Variants in XRCC1 observed in about 807,000 individuals in gnomAD.
XRCC1 encodes the protein X-ray repair cross complementing 1.
Under a neutral mutation model 83.3 loss-of-function variants are expected in XRCC1, and 52 were observed. The ratio of observed to expected loss-of-function variants is 0.62; its 90% confidence interval spans 0.50 to 0.79. The LOEUF (loss-of-function observed/expected upper bound fraction) is 0.79, where lower values mean the gene tolerates loss of function less well. XRCC1 is among the 30% of genes least tolerant of loss of function. XRCC1 has a pLI of 0.00. For synonymous variants in XRCC1, 281 were observed against 312.6 expected (o/e 0.90, Z 1.07); for missense variants, 793 against 823.5 (o/e 0.96, Z 0.45).
chr19:43,549,836 T>C (rs1365995194), intron 10 of XRCC1, among the ~76,000 whole-genome samples: 1 of 152,202 alleles, frequency 6.6e-6, no homozygotes, highest in Non-Finnish European at 1.5e-5. Context: ...TATAAAATGC[T>C]TTGTGAATTC....
In XRCC1 at chr19:43,574,963, G is replaced by A; in HGVS notation, c.91C>T (p.Arg31Ter). The A allele has an allele frequency of 6.2e-7, 1 of 1,614,134 alleles. No homozygotes were observed. The highest frequency in any genetic ancestry group is 8.5e-7 in the Non-Finnish European group (1 of 1,180,028). The change falls in exon 2 of 17, where the codon CGA (arginine) becomes TGA (stop). Residue 31 changes from arginine to a stop codon, truncating the protein, a stop_gained. Transcript: ENST00000262887. LOFTEE classifies it high-confidence loss of function. ...AENLLKADTY[R>*]KWRAAKAGEK... ...CCTGCCTTGGCTGCCCGCCATTTTC[G>A]GTAAGTGTCTGCCTTGAGAAGATTT...
chr19:43,563,554 G>T (rs1351522903), intron 2 of XRCC1, among the ~76,000 whole-genome samples: 1 of 152,026 alleles, frequency 6.6e-6, no homozygotes, highest in Admixed American at 6.6e-5. Context: ...TGCTCCCCAG[G>T]CCAGGCTTGG....
chr19:43,563,026 G>A (rs953699777), intron 2 of XRCC1, among the ~76,000 whole-genome samples: 3 of 152,224 alleles, frequency 2.0e-5, no homozygotes, highest in African/African-American at 7.2e-5. Flanking sequence ...AACAGTCCAC[G>A]CGTGCTCCTC....
At chr19:43,546,168 C>G in intron 12 of XRCC1, 62 bp from the exon 13 acceptor site, 1 of 1,585,376 alleles carries the variant, frequency 6.3e-7, no homozygotes, top group South Asian at 1.1e-5. Flanking sequence ...TGGCAGCTCT[C>G]CCAGTATGGC....
intron 2 of XRCC1, 137 bp from the exon 3 acceptor site, chr19:43,561,157 G>GT (rs1972695393): frequency 1.4e-6 from 1 of 709,158 alleles, no homozygotes; most frequent in African/African-American, 1.7e-5. Flanking sequence ...GGGTTGAATG[G>GT]TGCCATGTGT....
At chr19:43,551,974 G>C (rs763428788) in intron 9 of XRCC1, 43 bp downstream of exon 9, 4 of 1,602,332 alleles carry the variant, frequency 2.5e-6, no homozygotes, top group African/African-American at 1.3e-5. Context: ...CAGGGAGCTG[G>C]GGGAGAAACT....
rs140908193 is a variant in XRCC1 at position 43,551,676 on chromosome 19, G to A, written c.1094C>T (p.Ala365Val). Residue 365 changes from alanine to valine, a missense_variant, in exon 10 of 17, where the codon GCC becomes GTC. Ala to Val is a moderately conservative substitution (Grantham distance 64). Transcript: ENST00000262887. ...RDSTHLICAF[A>V]NTPKYSQVLG... Reference sequence around the variant, plus strand: ...GACCTGGCTGTACTTGGGGGTGTTGGCAAAGGCACAGCTGGTGGGGGGCAG... The same window carrying A: ...GACCTGGCTGTACTTGGGGGTGTTGACAAAGGCACAGCTGGTGGGGGGCAG... 158 of 1,614,012 alleles carry A rather than the reference G, an allele frequency of 9.8e-5. No homozygotes were observed. The highest frequency in any genetic ancestry group is 3.8e-4 in the Admixed American group (23 of 59,998).
chr19:43,567,861 G>T (rs3213285), intron 2 of XRCC1, among the ~76,000 whole-genome samples: 24,193 of 145,318 alleles, frequency 0.17, 2,046 homozygotes, highest in Non-Finnish European at 0.19. Flanking sequence ...TCACATCCAT[G>T]AAATGCAATC....
chr19:43,558,143 GTTTTCTT>G (rs932420157), intron 3 of XRCC1, among the ~76,000 whole-genome samples: 10 of 152,286 alleles, frequency 6.6e-5, no homozygotes, highest in East Asian at 5.8e-4. Flanking sequence ...AAAAAAGATA[GTTTTCTT>G]TTTTCTTTTT....
chr19:43,557,401 G>A lies in XRCC1; in HGVS notation c.256-2597C>T, dbSNP rs972451712. ...TAGTCTCTTTTCTAACTGACATGCT[G>A]TGAAATTATAAAATTGGACAATAAA... On this transcript the variant is annotated intron_variant, in intron 3 of 16. Transcript: ENST00000262887. Among the ~76,000 whole-genome samples the A allele has an allele frequency of 6.6e-5, 10 of 151,604 alleles. No homozygotes were observed. In the East Asian group the frequency reaches 1.7e-3, roughly 26 times the overall value.
intron 2 of XRCC1, among the ~76,000 whole-genome samples, chr19:43,571,944 G>A (rs1162023597): frequency 6.6e-6 from 1 of 152,154 alleles, no homozygotes; most frequent in Admixed American, 6.5e-5. Context: ...TCTCTGCACT[G>A]ACAACTTCCC....
At chr19:43,546,544 C>T (rs1466777463) in intron 12 of XRCC1, 51 bp downstream of exon 12, 1 of 1,573,284 alleles carries the variant, frequency 6.4e-7, no homozygotes, top group African/African-American at 1.4e-5. Flanking sequence ...AGGCCCTCCT[C>T]CCTCAGACTC....
intron 13 of XRCC1, 31 bp downstream of exon 13, chr19:43,546,021 G>C (rs748162914): frequency 5.0e-6 from 8 of 1,613,700 alleles, no homozygotes; most frequent in Non-Finnish European, 6.8e-6. Flanking sequence ...CCCAAGGCCA[G>C]GGACACCCCA....
intron 10 of XRCC1, among the ~76,000 whole-genome samples, chr19:43,548,599 C>T (rs1972542302): frequency 6.6e-6 from 1 of 152,132 alleles, no homozygotes; most frequent in Admixed American, 6.5e-5. Context: ...GTCATCACCA[C>T]TCCCTAATCT....
chr19:43,568,158 C>G (rs1377705424), intron 2 of XRCC1, among the ~76,000 whole-genome samples: 1 of 151,766 alleles, frequency 6.6e-6, no homozygotes, highest in African/African-American at 2.4e-5. Context: ...CAGGCGTGAG[C>G]CACCGCGCCC....
chr19:43,558,301 C>T lies in XRCC1; in HGVS notation c.255+2609G>A, dbSNP rs183873884. 8.0e-5 allele frequency among the ~76,000 whole-genome samples: 12 copies of T among 150,424 alleles called. No individual in the cohort carries two copies. The East Asian group carries it at 1.8e-3, about 22-fold the overall frequency. On this transcript the variant is annotated intron_variant, in intron 3 of 16. Transcript: ENST00000262887. ...AGTGAGCTGAGATCGTGCCACTGCA[C>T]TCCAGCCTGGGTGACAAAGTGAGAC... is the stretch of plus-strand genomic sequence containing the variant.
chr19:43,546,776 T>C, intron 11 of XRCC1, 49 bp from the exon 12 acceptor site: 1 of 1,594,312 alleles, frequency 6.3e-7, no homozygotes, highest in Non-Finnish European at 8.6e-7. Context: ...AGTGTGGGTG[T>C]GTTGGGGGGG....
chr19:43,575,513 A>G lies in XRCC1; in HGVS notation c.-55T>C. Reference sequence around the variant, plus strand: ...AGGATGAGGTAGAGTATGGGGTCCGAGGGGCAGGGAGAGTGGGAGGGGGCG... The same window carrying G: ...AGGATGAGGTAGAGTATGGGGTCCGGGGGGCAGGGAGAGTGGGAGGGGGCG... On this transcript the variant is annotated 5_prime_UTR_variant, in exon 1 of 17. Coordinates refer to ENST00000262887, the MANE Select transcript of XRCC1 (RefSeq NM_006297.3). The G allele has an allele frequency of 2.0e-6, 3 of 1,503,608 alleles. No individual in the cohort carries two copies. Among genetic ancestry groups the G allele is most frequent in the African/African-American group, 1.4e-5 (1 of 72,032 alleles). 93.1% of individuals were successfully genotyped at this position (1,503,608 alleles called of 1,614,324 possible). A position where few individuals can be genotyped will look rare whatever the true frequency, so the allele number is the denominator to read the frequency against.
At chr19:43,546,793 C>A (rs531440741) in intron 11 of XRCC1, 66 bp from the exon 12 acceptor site, 1 of 1,592,650 alleles carries the variant, frequency 6.3e-7, no homozygotes, top group Non-Finnish European at 8.6e-7. Context: ...GGGGTACCTG[C>A]AAGAGGCAAG....
Sources: allele counts gnomAD v4.1 joint callset (sites outside exome capture counted in the v4.1 genomes callset), GRCh38; gene constraint gnomAD v4.1.1; transcripts MANE v1.5; gene names NCBI Gene and HGNC (gene_info 2026-07-23, HGNC 2026-07-21).